Variants in DOCK2 observed in about 807,000 individuals in gnomAD.
DOCK2 encodes dedicator of cytokinesis protein 2.
DOCK2 carries 87 observed loss-of-function variants against 248.9 expected under a neutral mutation model. That is an observed-to-expected ratio of 0.35 (90% CI 0.29 to 0.42). The LOEUF is 0.42. DOCK2 is among the 10% of genes least tolerant of loss of function. The pLI is 1.00. For synonymous variants in DOCK2, 805 were observed against 821.6 expected (o/e 0.98, Z 0.35); for missense variants, 1,747 against 2,300.2 (o/e 0.76, Z 4.92).
intron 33 of DOCK2, 86 bp from the exon 34 acceptor site, chr5:170,027,776 TA>T: frequency 7.6e-7 from 1 of 1,309,152 alleles, no homozygotes. Flanking sequence ...GAGTGCTCCC[TA>T]AAGCTTTGGT....
chr5:170,043,457 C>G (rs1756587933), intron 38 of DOCK2, among the ~76,000 whole-genome samples: 1 of 152,224 alleles, frequency 6.6e-6, no homozygotes, highest in Non-Finnish European at 1.5e-5. Flanking sequence ...CTGCAGCCCT[C>G]CCTCTCCTCT....
At chr5:169,747,251 A>G (rs1329970262) in intron 22 of DOCK2, 145 bp from the exon 23 acceptor site, 1 of 636,036 alleles carries the variant, frequency 1.6e-6, no homozygotes, top group Admixed American at 3.3e-5. Context: ...TGATGCACGC[A>G]GCATCTGCAG....
intron 27 of DOCK2, among the ~76,000 whole-genome samples, chr5:169,914,606 T>C (rs1431391571): frequency 1.3e-5 from 2 of 152,200 alleles, no homozygotes; most frequent in Non-Finnish European, 2.9e-5. Flanking sequence ...ATTGAATTCA[T>C]TGGTAGCATT....
At chr5:169,769,930 G>A (rs1764996064) in intron 25 of DOCK2, among the ~76,000 whole-genome samples, 1 of 152,118 alleles carries the variant, frequency 6.6e-6, no homozygotes, top group Admixed American at 6.5e-5. Flanking sequence ...TTTTATTTAC[G>A]TTCCTGGTCT....
chr5:169,926,994 A>G (rs924286726), intron 27 of DOCK2, among the ~76,000 whole-genome samples: 1 of 152,230 alleles, frequency 6.6e-6, no homozygotes, highest in Non-Finnish European at 1.5e-5. Flanking sequence ...CAAGGATAAC[A>G]TCTCTCTGAC....
At chr5:169,837,495 C>T (rs984973563) in intron 26 of DOCK2, among the ~76,000 whole-genome samples, 3 of 152,146 alleles carry the variant, frequency 2.0e-5, no homozygotes, top group Non-Finnish European at 2.9e-5. Flanking sequence ...CTTTCTGCTA[C>T]GTGCTGGCAA....
intron 26 of DOCK2, among the ~76,000 whole-genome samples, chr5:169,807,601 G>A (rs1007170193): frequency 9.2e-5 from 14 of 152,030 alleles, no homozygotes; most frequent in African/African-American, 3.4e-4. Flanking sequence ...GGGAGGCCGA[G>A]GCGGGCGGAT....
intron 46 of DOCK2, among the ~76,000 whole-genome samples, chr5:170,072,342 A>G (rs1477723208): frequency 1.3e-5 from 2 of 152,194 alleles, no homozygotes; most frequent in African/African-American, 4.8e-5. Flanking sequence ...GGGTTGTTAC[A>G]CATACTAGAG....
intron 26 of DOCK2, among the ~76,000 whole-genome samples, chr5:169,833,382 G>C (rs1414751080): frequency 6.6e-6 from 1 of 152,130 alleles, no homozygotes; most frequent in Non-Finnish European, 1.5e-5. Context: ...TTCTTTGAAA[G>C]AAAGGTAGGA....
chr5:170,082,534 C>T (rs1758069944), intron 51 of DOCK2, among the ~76,000 whole-genome samples: 1 of 152,192 alleles, frequency 6.6e-6, no homozygotes, highest in Admixed American at 6.5e-5. Flanking sequence ...GCCATTTGAG[C>T]TCCCACTCTT....
chr5:170,046,584 G>A (rs1756720265), intron 39 of DOCK2, among the ~76,000 whole-genome samples: 1 of 152,238 alleles, frequency 6.6e-6, no homozygotes, highest in Admixed American at 6.5e-5. Flanking sequence ...AGGATTGATA[G>A]CTTTTGGTGG....
chr5:169,643,445 G>A (rs1757263835), intron 1 of DOCK2, among the ~76,000 whole-genome samples: 3 of 152,112 alleles, frequency 2.0e-5, no homozygotes, highest in Admixed American at 1.3e-4. Flanking sequence ...GTTTCGGGAT[G>A]AAGCTGTTCC....
intron 27 of DOCK2, among the ~76,000 whole-genome samples, chr5:169,857,395 GC>G (rs1201902848): frequency 6.6e-6 from 1 of 152,224 alleles, no homozygotes; most frequent in Admixed American, 6.5e-5. Context: ...GGTACTGGGA[GC>G]AAACATTAGT....
At chr5:169,682,213 A>G (rs1164428955) in intron 7 of DOCK2, among the ~76,000 whole-genome samples, 1 of 152,284 alleles carries the variant, frequency 6.6e-6, no homozygotes, top group Non-Finnish European at 1.5e-5. Context: ...GCAATGAACC[A>G]GGGTTATGTG....
intron 25 of DOCK2, among the ~76,000 whole-genome samples, chr5:169,766,335 C>T (rs1003081440): frequency 1.3e-5 from 2 of 152,154 alleles, no homozygotes; most frequent in African/African-American, 4.8e-5. Flanking sequence ...TGGTTTTCTG[C>T]TCCTGTGTTA....
At chr5:169,683,292 T>C (rs923136306) in intron 7 of DOCK2, among the ~76,000 whole-genome samples, 1 of 152,202 alleles carries the variant, frequency 6.6e-6, no homozygotes, top group Admixed American at 6.5e-5. Flanking sequence ...TATAATGGTG[T>C]GATCATGGCT....
At chr5:170,042,628 C>T (rs1384382293) in intron 38 of DOCK2, among the ~76,000 whole-genome samples, 4 of 152,168 alleles carry the variant, frequency 2.6e-5, no homozygotes, top group Admixed American at 1.3e-4. Flanking sequence ...ACTTGCTTTT[C>T]CCAGCTGGAA....
At chr5:169,780,387 C>T (rs114916770) in intron 25 of DOCK2, among the ~76,000 whole-genome samples, 1,528 of 150,810 alleles carry the variant, frequency 0.01, 26 homozygotes, top group African/African-American at 0.035. Flanking sequence ...AAGTTGTCAA[C>T]TTCTTTTCTC....
intron 27 of DOCK2, among the ~76,000 whole-genome samples, chr5:169,962,566 T>C (rs1005208733): frequency 6.6e-6 from 1 of 152,196 alleles, no homozygotes; most frequent in Non-Finnish European, 1.5e-5. Context: ...TCACTAGATC[T>C]GCAAATATGT....
Sources: gnomAD v4.1 joint callset for allele counts (sites outside exome capture counted in the v4.1 genomes callset) on GRCh38, gnomAD v4.1.1 for gene constraint, MANE v1.5 for transcripts, NCBI Gene and HGNC (gene_info 2026-07-23, HGNC 2026-07-21) for gene names.